Variants in MAF observed in about 807,000 individuals in gnomAD.
MAF encodes transcription factor Maf.
In MAF, 10 loss-of-function variants were observed where a neutral mutation model predicts 22.0. The observed-to-expected ratio is 0.45, with a 90% CI of 0.28 to 0.77. The LOEUF (loss-of-function observed/expected upper bound fraction) is 0.77. Ranked by LOEUF, MAF falls within the 30% of genes least tolerant of loss-of-function variation. The probability of loss-of-function intolerance (pLI) is 0.12; values close to 1 mark genes in which losing one functional copy is unlikely to be tolerated. For synonymous variants in MAF, 337 were observed against 255.8 expected, an observed-to-expected ratio of 1.32 and a Z score of -3.03; for missense variants, 544 against 548.4, an observed-to-expected ratio of 0.99 and a Z score of 0.08.
chr16:79,476,678 A>G, the MAF span, among the ~76,000 whole-genome samples: 2 of 152,144 alleles, frequency 1.3e-5, no homozygotes, highest in Non-Finnish European at 2.9e-5. Context: ...TGGATATTCA[A>G]AGTGCCTACC....
chr16:79,587,398 C>T (rs532948596), intron 1 of MAF, among the ~76,000 whole-genome samples: 16 of 151,278 alleles, frequency 1.1e-4, no homozygotes, highest in Admixed American at 3.3e-4. Flanking sequence ...TGGCTAATCT[C>T]TTTAAAAAAA....
the MAF span, among the ~76,000 whole-genome samples, chr16:79,358,794 A>T: frequency 6.6e-6 from 1 of 152,048 alleles, no homozygotes; most frequent in Non-Finnish European, 1.5e-5. Flanking sequence ...CTCCCACCTC[A>T]TTCTCTCAGA....
the MAF span, among the ~76,000 whole-genome samples, chr16:79,354,451 C>T: frequency 2.6e-5 from 4 of 152,128 alleles, no homozygotes; most frequent in Non-Finnish European, 2.9e-5. Flanking sequence ...ATGTACCTTT[C>T]GGCCATAGTG....
the MAF span, among the ~76,000 whole-genome samples, chr16:79,235,492 G>C: frequency 6.6e-6 from 1 of 151,950 alleles, no homozygotes; most frequent in Admixed American, 6.6e-5. Context: ...CTTGAGCCCA[G>C]GAGTTTGAGG....
At chr16:79,363,923 G>T in the MAF span, among the ~76,000 whole-genome samples, 1 of 152,148 alleles carries the variant, frequency 6.6e-6, no homozygotes, top group African/African-American at 2.4e-5. Context: ...TGAGTTGGAG[G>T]GACGGTGGAG....
At chr16:79,266,058 T>A in the MAF span, among the ~76,000 whole-genome samples, 1 of 152,118 alleles carries the variant, frequency 6.6e-6, no homozygotes, top group Non-Finnish European at 1.5e-5. Context: ...TTCTTTTATT[T>A]CTTTGAGGTC....
chr16:79,407,467 C>T, the MAF span, among the ~76,000 whole-genome samples: 2 of 152,152 alleles, frequency 1.3e-5, no homozygotes, highest in African/African-American at 4.8e-5. Context: ...CTCTTCCTCC[C>T]TCTTTCCCTC....
chr16:79,569,392 G>A, the MAF span, among the ~76,000 whole-genome samples: 1 of 152,188 alleles, frequency 6.6e-6, no homozygotes, highest in African/African-American at 2.4e-5. Context: ...TTCTCTGGAT[G>A]GCAGCTGCAG....
At chr16:79,276,349 G>A in the MAF span, among the ~76,000 whole-genome samples, 2 of 152,054 alleles carry the variant, frequency 1.3e-5, no homozygotes, top group African/African-American at 4.8e-5. Flanking sequence ...GCACAGATTT[G>A]TCATCCAAGA....
At chr16:79,332,251 T>A in the MAF span, among the ~76,000 whole-genome samples, 1 of 152,220 alleles carries the variant, frequency 6.6e-6, no homozygotes, top group East Asian at 1.9e-4. Flanking sequence ...CATTTAATCC[T>A]AACTGCTACT....
At chr16:79,536,509 G>A in the MAF span, among the ~76,000 whole-genome samples, 55 of 152,148 alleles carry the variant, frequency 3.6e-4, no homozygotes, top group Non-Finnish European at 7.6e-4. Flanking sequence ...AGGCATGGTG[G>A]TGCACACCTG....
the MAF span, among the ~76,000 whole-genome samples, chr16:79,268,878 C>T: frequency 1.3e-5 from 2 of 152,152 alleles, no homozygotes; most frequent in South Asian, 2.1e-4. Flanking sequence ...GTGGTATAGC[C>T]CTGGGCAAGC....
rs1316735017 is a variant in MAF at position 79,599,259 on chromosome 16, C to T, written c.644G>A (p.Gly215Asp). 9.2e-6 allele frequency: 9 copies of T among 978,414 alleles called. No homozygotes were observed. In the East Asian group the frequency reaches 7.1e-4, roughly 77 times the overall value. 60.6% of individuals were successfully genotyped at this position (978,414 alleles called of 1,614,324 possible). ...SAAASAGGAG[G>D]AGGGGPASAG... ...GCTGGCCGGGCCACCGCCGCCCGCG[C>T]CCCCAGCGCCACCGGCCGAGGCGGC... is the stretch of plus-strand genomic sequence containing the variant. Residue 215 changes from glycine (G) to aspartate (D), a missense_variant, in exon 1 of 2, where the codon GGC becomes GAC. By Grantham distance (94) the Gly-to-Asp change is moderately conservative (BLOSUM62 -1). Transcript: ENST00000326043.
At chr16:79,455,011 A>T in the MAF span, among the ~76,000 whole-genome samples, 1 of 151,802 alleles carries the variant, frequency 6.6e-6, no homozygotes, top group Non-Finnish European at 1.5e-5. Context: ...CAGGAGAATC[A>T]CTTGGACCCG....
the MAF span, among the ~76,000 whole-genome samples, chr16:79,343,820 G>C: frequency 6.6e-6 from 1 of 152,018 alleles, no homozygotes; most frequent in Non-Finnish European, 1.5e-5. Flanking sequence ...TTATTGACTT[G>C]GTCTTCCTAC....
the MAF span, among the ~76,000 whole-genome samples, chr16:79,341,963 C>A: frequency 7.2e-4 from 110 of 152,344 alleles, no homozygotes; most frequent in African/African-American, 2.6e-3. Flanking sequence ...ACCACTGCTA[C>A]TGCTGCTGCT....
At chr16:79,506,795 A>C in the MAF span, among the ~76,000 whole-genome samples, 1 of 152,194 alleles carries the variant, frequency 6.6e-6, no homozygotes, top group African/African-American at 2.4e-5. Flanking sequence ...GGAGTGAAGA[A>C]GAGAGATGGG....
the MAF span, among the ~76,000 whole-genome samples, chr16:79,359,558 A>G: frequency 3.9e-5 from 6 of 152,240 alleles, no homozygotes; most frequent in African/African-American, 1.4e-4. Flanking sequence ...GGACAAAGCC[A>G]GCCCCAATTG....
At chr16:79,469,197 C>T in the MAF span, among the ~76,000 whole-genome samples, 6 of 152,284 alleles carry the variant, frequency 3.9e-5, no homozygotes, top group African/African-American at 1.4e-4. Flanking sequence ...TAGCCATGAC[C>T]GTTCATTTAC....
Sources: allele counts gnomAD v4.1 joint callset (sites outside exome capture counted in the v4.1 genomes callset), GRCh38; gene constraint gnomAD v4.1.1; transcripts MANE v1.5; gene names NCBI Gene and HGNC (gene_info 2026-07-23, HGNC 2026-07-21).